Variants in ZNF385D observed in about 807,000 individuals in gnomAD.
ZNF385D encodes the protein zinc finger protein 659.
In ZNF385D, 15 loss-of-function variants were observed where a neutral mutation model predicts 35.8. The ratio of observed to expected loss-of-function variants is 0.42; its 90% confidence interval spans 0.28 to 0.64. ZNF385D has a LOEUF of 0.64. Ranked by LOEUF, ZNF385D falls within the 30% of genes least tolerant of loss-of-function variation. The pLI is 0.23. For synonymous variants in ZNF385D, 212 were observed against 186.8 expected (o/e 1.13, Z -1.10); for missense variants, 474 against 494.6 (o/e 0.96, Z 0.39).
At chr3:22,185,435 T>C (rs1345514192) in intron 2 of ZNF385D, among the ~76,000 whole-genome samples, 1 of 152,080 alleles carries the variant, frequency 6.6e-6, no homozygotes, top group Non-Finnish European at 1.5e-5. Context: ...AAACAAATAA[T>C]ACATGTATTT....
chr3:21,728,981 T>C (rs1210191454), intron 1 of ZNF385D, among the ~76,000 whole-genome samples: 1 of 152,242 alleles, frequency 6.6e-6, no homozygotes, highest in Non-Finnish European at 1.5e-5. Flanking sequence ...GTTTGGAGCA[T>C]GGCAGAATTC....
intron 2 of ZNF385D, among the ~76,000 whole-genome samples, chr3:22,285,936 T>C (rs1701999852): frequency 1.3e-5 from 2 of 152,060 alleles, no homozygotes; most frequent in Admixed American, 6.6e-5. Flanking sequence ...TAGTTACATA[T>C]AAATTCAGGT....
At chr3:22,031,816 T>A (rs1698020218) in intron 3 of ZNF385D, among the ~76,000 whole-genome samples, 1 of 152,238 alleles carries the variant, frequency 6.6e-6, no homozygotes. Flanking sequence ...TCCAAACTTT[T>A]ATGTTCTGCT....
intron 1 of ZNF385D, among the ~76,000 whole-genome samples, chr3:21,742,974 T>TC (rs2069589905): frequency 6.6e-6 from 1 of 152,248 alleles, no homozygotes; most frequent in Non-Finnish European, 1.5e-5. Flanking sequence ...CCATGTACTT[T>TC]CCAGTGCTAG....
chr3:21,884,000 T>C (rs760386473), intron 3 of ZNF385D, among the ~76,000 whole-genome samples: 2 of 151,964 alleles, frequency 1.3e-5, no homozygotes, highest in Non-Finnish European at 2.9e-5. Flanking sequence ...TTAGTGTATG[T>C]TATGAGAGGG....
chr3:22,224,861 T>A (rs899845637), intron 2 of ZNF385D, among the ~76,000 whole-genome samples: 1 of 152,144 alleles, frequency 6.6e-6, no homozygotes, highest in Non-Finnish European at 1.5e-5. Flanking sequence ...AGTTGGCACC[T>A]CTATTCATGA....
At chr3:22,095,357 T>C (rs1333233579) in intron 3 of ZNF385D, among the ~76,000 whole-genome samples, 4 of 152,102 alleles carry the variant, frequency 2.6e-5, no homozygotes, top group African/African-American at 9.7e-5. Context: ...GGATATCTTT[T>C]TGGTATTCCA....
chr3:21,510,964 T>G lies in ZNF385D; in HGVS notation c.336A>C (p.Glu112Asp), dbSNP rs1050942554. The change falls in exon 4 of 8, where the codon GAA becomes GAC. Residue 112 changes from glutamate (E) to aspartate (D), a missense_variant. By Grantham distance (45) the Glu-to-Asp change is conservative. Transcript: ENST00000281523. Reference sequence around the variant, plus strand: ...CAGATTTCTGCTTATTTTTCATGGCTTCCAGTGCTTTGAGCTTCTTGGCAT... The same window carrying G: ...CAGATTTCTGCTTATTTTTCATGGCGTCCAGTGCTTTGAGCTTCTTGGCAT... Reference protein sequence around the residue: ...TKHAKKLKALEAMKNKQKSVT... With the variant: ...TKHAKKLKALDAMKNKQKSVT... The G allele has an allele frequency of 4.3e-6, 7 of 1,614,058 alleles. No homozygotes were observed. Among genetic ancestry groups the G allele is most frequent in the African/African-American group, 4.0e-5 (3 of 74,938 alleles).
chr3:21,698,961 C>T (rs998821177), intron 1 of ZNF385D, among the ~76,000 whole-genome samples: 1 of 152,092 alleles, frequency 6.6e-6, no homozygotes, highest in Admixed American at 6.5e-5. Flanking sequence ...CCAGAAAAAC[C>T]ATTTGACCCA....
At chr3:21,984,594 T>A (rs1694698813) in intron 3 of ZNF385D, among the ~76,000 whole-genome samples, 1 of 104,648 alleles carries the variant, frequency 9.6e-6, no homozygotes, top group Non-Finnish European at 1.9e-5. Context: ...TGAAGTCAGG[T>A]AGTGTGATGC....
intron 3 of ZNF385D, among the ~76,000 whole-genome samples, chr3:21,859,673 AT>A (rs3884133): frequency 1.2e-3 from 170 of 146,898 alleles, no homozygotes; most frequent in African/African-American, 3.0e-3. Flanking sequence ...CTCCAAAGGC[AT>A]TTTTTTTTTT....
At chr3:22,353,038 G>A (rs1695988502) in intron 2 of ZNF385D, among the ~76,000 whole-genome samples, 1 of 152,122 alleles carries the variant, frequency 6.6e-6, no homozygotes, top group South Asian at 2.1e-4. Flanking sequence ...CCAAAGATAA[G>A]GTAAGAAGGA....
rs139855412 is a variant in ZNF385D, at chr3:21,831,829, T to C, written c.326-166801A>G. Among the ~76,000 whole-genome samples, 1,110 of 152,312 alleles carry C rather than the reference T, an allele frequency of 7.3e-3. 13 individuals carry two copies. The highest frequency in any genetic ancestry group is 0.023 in the African/African-American group (972 of 41,574). The stretch of plus-strand genomic sequence containing the variant: ...ATTTTGTTACCCTGTATTTTGGCTA[T>C]TTTATCTTTAAAATTACATGACTTT... On this transcript the variant is annotated intron_variant, in intron 3 of 5. Coordinates refer to the ZNF385D transcript ENST00000494108.
chr3:21,807,271 G>C (rs534592848), intron 3 of ZNF385D, among the ~76,000 whole-genome samples: 5 of 152,242 alleles, frequency 3.3e-5, no homozygotes, highest in South Asian at 2.1e-4. Context: ...TTTACATCTA[G>C]AGCATATCTC....
chr3:22,007,426 T>C (rs1696279940), intron 3 of ZNF385D, among the ~76,000 whole-genome samples: 1 of 152,250 alleles, frequency 6.6e-6, no homozygotes, highest in South Asian at 2.1e-4. Context: ...AAATTTGCAA[T>C]TTCTAATAAC....
chr3:22,361,011 A>C (rs948626134), intron 2 of ZNF385D, among the ~76,000 whole-genome samples: 7 of 152,074 alleles, frequency 4.6e-5, no homozygotes, highest in African/African-American at 1.7e-4. Context: ...GATTATTAAA[A>C]TATCCCATTT....
chr3:21,603,579 T>C (rs528630053), intron 2 of ZNF385D, among the ~76,000 whole-genome samples: 34 of 152,156 alleles, frequency 2.2e-4, no homozygotes, highest in Non-Finnish European at 3.1e-4. Context: ...ATATAATAAC[T>C]CTAAACAAGT....
intron 2 of ZNF385D, among the ~76,000 whole-genome samples, chr3:21,625,680 A>T (rs1454241325): frequency 6.6e-6 from 1 of 152,132 alleles, no homozygotes; most frequent in Non-Finnish European, 1.5e-5. Flanking sequence ...AAAAAAAGTC[A>T]TATAGCTCCT....
intron 2 of ZNF385D, among the ~76,000 whole-genome samples, chr3:22,343,947 G>A (rs1346443933): frequency 6.6e-6 from 1 of 151,804 alleles, no homozygotes; most frequent in African/African-American, 2.4e-5. Flanking sequence ...AAATGAACAA[G>A]TGAAAAGACT....
Sources: allele counts gnomAD v4.1 joint callset (sites outside exome capture counted in the v4.1 genomes callset), GRCh38; gene constraint gnomAD v4.1.1; transcripts MANE v1.5; gene names NCBI Gene and HGNC (gene_info 2026-07-23, HGNC 2026-07-21).